FSD1L: variants seen among roughly 807,000 people sequenced by gnomAD.
The protein encoded by FSD1L is fibronectin type III and SPRY domain containing 1 like.
In FSD1L, 45 loss-of-function variants were observed where a neutral mutation model predicts 71.6. That is an observed-to-expected ratio of 0.63 (90% CI 0.49 to 0.81). FSD1L has a LOEUF of 0.81. Ranked by LOEUF, FSD1L falls within the 30% of genes least tolerant of loss-of-function variation. The pLI is 0.00. For synonymous variants in FSD1L, 197 were observed against 207.2 expected (o/e 0.95, Z 0.42); for missense variants, 561 against 618.1 (o/e 0.91, Z 0.98).
intron 8 of FSD1L, among the ~76,000 whole-genome samples, chr9:105,507,295 C>G (rs1834114326): frequency 2.0e-5 from 3 of 152,156 alleles, no homozygotes. Context: ...AAGAATGTCT[C>G]AGTATATAGT....
At chr9:105,467,220 C>T (rs1831142026) in intron 3 of FSD1L, among the ~76,000 whole-genome samples, 1 of 152,026 alleles carries the variant, frequency 6.6e-6, no homozygotes, top group Admixed American at 6.6e-5. Flanking sequence ...TGATGAGGTG[C>T]CTGTGAGGTA....
chr9:105,520,146 C>T (rs985024160), intron 10 of FSD1L: 20 of 1,607,344 alleles, frequency 1.2e-5, no homozygotes, highest in Non-Finnish European at 1.7e-5. Flanking sequence ...CAAGAAGCCG[C>T]ACGGGGACGT....
At chr9:105,486,671 A>G (rs937771271) in intron 7 of FSD1L, among the ~76,000 whole-genome samples, 1 of 152,206 alleles carries the variant, frequency 6.6e-6, no homozygotes, top group Non-Finnish European at 1.5e-5. Context: ...CATTCCTAAT[A>G]TAATTTCCAT....
intron 5 of FSD1L, among the ~76,000 whole-genome samples, chr9:105,474,020 TGTG>T (rs1241936151): frequency 2.0e-5 from 3 of 152,232 alleles, no homozygotes; most frequent in Admixed American, 6.5e-5. Context: ...CATTTGGAGA[TGTG>T]GTGAAATGAA....
upstream of FSD1L, chr9:105,447,866 C>T: frequency 2.5e-6 from 1 of 399,438 alleles, no homozygotes; most frequent in Non-Finnish European, 4.5e-6. Flanking sequence ...CCGGAGAGAC[C>T]GCTATCGCTG....
At chr9:105,476,888 C>T (rs972059451) in intron 5 of FSD1L, among the ~76,000 whole-genome samples, 2 of 152,120 alleles carry the variant, frequency 1.3e-5, no homozygotes, top group Admixed American at 6.5e-5. Flanking sequence ...CTTCTTAAAC[C>T]TCTCTTGCAT....
intron 10 of FSD1L, chr9:105,521,558 A>G (rs4742950): frequency 0.29 from 469,976 of 1,613,118 alleles, 72,341 homozygotes; most frequent in Non-Finnish European, 0.32. Flanking sequence ...TGGTAAAAGT[A>G]TATCAAGAAT....
chr9:105,453,044 GTT>G (rs774826229), intron 1 of FSD1L, among the ~76,000 whole-genome samples: 18,145 of 86,512 alleles, frequency 0.21, 487 homozygotes, highest in East Asian at 0.44. Flanking sequence ...ACCTAAAGTT[GTT>G]TTTTTTTTTT....
intron 7 of FSD1L, among the ~76,000 whole-genome samples, chr9:105,489,817 C>A (rs1588994629): frequency 6.6e-6 from 1 of 152,260 alleles, no homozygotes; most frequent in South Asian, 2.1e-4. Flanking sequence ...CATCCACGTC[C>A]CTACAAAGGA....
intron 9 of FSD1L, among the ~76,000 whole-genome samples, chr9:105,510,897 T>C (rs779332333): frequency 6.6e-6 from 1 of 152,160 alleles, no homozygotes; most frequent in African/African-American, 2.4e-5. Context: ...TTTGGTACTT[T>C]GTTTTCACAG....
intron 13 of FSD1L, among the ~76,000 whole-genome samples, chr9:105,543,679 T>G (rs1228899146): frequency 6.6e-6 from 1 of 151,936 alleles, no homozygotes; most frequent in Non-Finnish European, 1.5e-5. Flanking sequence ...TGAGAACATG[T>G]GGTGTTTGGT....
intron 6 of FSD1L, among the ~76,000 whole-genome samples, chr9:105,480,501 A>G (rs1832101381): frequency 2.0e-5 from 3 of 152,208 alleles, no homozygotes; most frequent in Admixed American, 2.0e-4. Context: ...TATTTTGCCC[A>G]GGCTGGTCTG....
chr9:105,501,651 C>T (rs1159970409), intron 7 of FSD1L, among the ~76,000 whole-genome samples: 3 of 146,110 alleles, frequency 2.1e-5, no homozygotes, highest in African/African-American at 7.7e-5. Context: ...TCAGGCTGGT[C>T]TCAAACTCCT....
intron 7 of FSD1L, among the ~76,000 whole-genome samples, chr9:105,490,118 C>A (rs1466065368): frequency 6.6e-6 from 1 of 152,228 alleles, no homozygotes; most frequent in East Asian, 1.9e-4. Context: ...TACAGTCCCA[C>A]CAACAGTGTA....
intron 10 of FSD1L, chr9:105,525,289 C>G (rs1199092884): frequency 1.9e-6 from 3 of 1,608,530 alleles, no homozygotes; most frequent in East Asian, 4.5e-5. Flanking sequence ...AGAAGATGCT[C>G]TTGATGAACT....
intron 1 of FSD1L, among the ~76,000 whole-genome samples, chr9:105,449,135 T>G (rs978405130): frequency 6.6e-6 from 1 of 152,226 alleles, no homozygotes; most frequent in Non-Finnish European, 1.5e-5. Context: ...TCTAAGAGAC[T>G]ATTCTTTTCT....
At chr9:105,455,325 G>A (rs1830295986) in intron 1 of FSD1L, among the ~76,000 whole-genome samples, 1 of 152,128 alleles carries the variant, frequency 6.6e-6, no homozygotes, top group Admixed American at 6.5e-5. Flanking sequence ...AAAATACCAT[G>A]CCTCATTTGG....
chr9:105,460,967 AT>A (rs1830654965), intron 1 of FSD1L, among the ~76,000 whole-genome samples: 1 of 152,208 alleles, frequency 6.6e-6, no homozygotes. Context: ...GTTAATATTT[AT>A]GTAAATAAAA....
At position 105,448,207 on chromosome 9, in the gene FSD1L, C is replaced by G. The variant is rs1162833024; in HGVS notation, c.-14C>G. 6.5e-7 allele frequency: 1 copy of G among 1,534,462 alleles called. No individual in the cohort carries two copies. The highest frequency in any genetic ancestry group is 1.4e-5 in the African/African-American group (1 of 70,708). Reference sequence around the variant, plus strand: ...TCGTCTCGGGTTCGAGCCCAGTGGGCTTAGCCACTCGCCATGGACTCCCAG... The same window carrying G: ...TCGTCTCGGGTTCGAGCCCAGTGGGGTTAGCCACTCGCCATGGACTCCCAG... On this transcript the variant is annotated 5_prime_UTR_variant, in exon 1 of 14. Coordinates refer to ENST00000481272, the MANE Select transcript of FSD1L (RefSeq NM_001145313.3).
Sources: allele counts gnomAD v4.1 joint callset (sites outside exome capture counted in the v4.1 genomes callset), GRCh38; gene constraint gnomAD v4.1.1; transcripts MANE v1.5; gene names NCBI Gene and HGNC (gene_info 2026-07-23, HGNC 2026-07-21).